The following RAB13 variants were observed in gnomAD, a reference collection of about 807,000 sequenced individuals.
RAB13 encodes the protein ras-related protein Rab-13.
RAB13 carries 15 observed loss-of-function variants against 29.3 expected under a neutral mutation model. That is an observed-to-expected ratio of 0.51 (90% CI 0.34 to 0.79). The LOEUF is 0.79. Ranked by LOEUF, RAB13 falls within the 30% of genes least tolerant of loss-of-function variation. The pLI, the probability that RAB13 is intolerant of heterozygous loss-of-function variation, is 0.01. For missense variants in RAB13, 186 were observed against 255.5 expected (o/e 0.73, Z 1.85); for synonymous variants, 82 against 93.8 (o/e 0.87, Z 0.73).
intron 1 of RAB13, chr1:153,985,100 C>G: frequency 9.2e-7 from 1 of 1,088,112 alleles, no homozygotes; most frequent in Non-Finnish European, 1.1e-6. Flanking sequence ...TGAATTCAGT[C>G]TCTGTCTCCC....
At chr1:153,990,653 T>G (rs1050010337), upstream of RAB13, 1 of 1,068,978 alleles carries the variant, frequency 9.4e-7, no homozygotes, top group Non-Finnish European at 1.4e-6. Context: ...CTCCCTTGTC[T>G]CCCCACTGCG....
upstream of RAB13, among the ~76,000 whole-genome samples, chr1:153,988,512 T>G (rs996248936): frequency 1.4e-5 from 2 of 144,404 alleles, no homozygotes; most frequent in Non-Finnish European, 1.5e-5. Flanking sequence ...AGGATGGTTT[T>G]GATCTCCTGA....
At chr1:153,985,057 G>C (rs1649116504) in intron 1 of RAB13, 1 of 1,175,286 alleles carries the variant, frequency 8.5e-7, no homozygotes. Context: ...GCTGCCTCTT[G>C]GGTCCATTCA....
At chr1:153,986,040 T>A in intron 1 of RAB13, 73 bp downstream of exon 1, 4 of 1,594,610 alleles carry the variant, frequency 2.5e-6, no homozygotes, top group Non-Finnish European at 3.4e-6. Flanking sequence ...AAAAGTGGGG[T>A]CACTAGTAAT....
chr1:153,982,170 C>T lies in RAB13; in HGVS notation c.541G>A (p.Gly181Ser), dbSNP rs2230324. The T allele has an allele frequency of 0.035, 57,118 of 1,613,528 alleles. 1,148 individuals carry two copies. Among genetic ancestry groups the T allele is most frequent in the Non-Finnish European group, 0.043 (50,320 of 1,179,610 alleles). Residue 181 changes from glycine (G) to serine (S), a missense_variant, in exon 8 of 8, where the codon GGC becomes AGC. Physicochemically the swap from Gly to Ser is moderately conservative, Grantham distance 56. Transcript: ENST00000368575. The stretch of plus-strand genomic sequence containing the variant: ...AGGTCAGTACTGGGAGGCTTGTTGC[C>T]GTTTCCCTAGAGGGAGAAGGGCACA... The part of the protein sequence containing the change: ...LKSGGRRSGN[G>S]NKPPSTDLKT...
At chr1:153,986,699 T>C (rs1435778021), upstream of RAB13, among the ~76,000 whole-genome samples, 4 of 141,276 alleles carry the variant, frequency 2.8e-5, 1 homozygote, top group African/African-American at 7.4e-5. Context: ...GGGAGAGCAC[T>C]AGAAATTGAA....
chr1:153,983,299 G>A lies in RAB13; in HGVS notation c.247-3C>T. 2 of 1,612,972 alleles carry A rather than the reference G, an allele frequency of 1.2e-6. No homozygotes were observed. The highest frequency in any genetic ancestry group is 1.7e-5 in the Admixed American group (1 of 60,006). ...ATGTCGTATACTAGGATAATGCCCT[G>A]GGAGATGACAAAATTCACCTTGGAC... is the stretch of plus-strand genomic sequence containing the variant. On this transcript the variant is annotated splice_region_variant and splice_polypyrimidine_tract_variant and intron_variant, in intron 3 of 7. Coordinates refer to ENST00000368575, the MANE Select transcript of RAB13 (RefSeq NM_002870.5).
intron 2 of RAB13, among the ~76,000 whole-genome samples, chr1:153,983,867 T>C (rs939736832): frequency 1.1e-4 from 17 of 152,160 alleles, no homozygotes; most frequent in African/African-American, 4.1e-4. Context: ...ACATGTATTA[T>C]TGTCTCTATT....
Position 153,982,787 on chromosome 1 carries a change from G to A in RAB13, c.346C>T (p.Arg116Cys), listed in dbSNP as rs200451111. 6.8e-5 allele frequency: 109 copies of A among 1,614,052 alleles called. 2 individuals are homozygous for A. Among genetic ancestry groups the A allele is most frequent in the South Asian group, 5.5e-4 (50 of 91,084 alleles). The change falls in exon 5 of 8, where the codon CGC becomes TGC. Residue 116 changes from arginine to cysteine, a missense_variant. Coordinates refer to ENST00000368575, the MANE Select transcript of RAB13 (RefSeq NM_002870.5). Reference protein sequence around the residue: ...IKENASAGVERLLLGNKCDME... With the variant: ...IKENASAGVECLLLGNKCDME... ...TCACATTTGTTCCCCAGCAAGAGGC[G>A]CTCCACCCCAGCCGAGGCATTCTGG...
At chr1:153,990,704 T>G (rs1649334316), upstream of RAB13, 2 of 1,538,378 alleles carry the variant, frequency 1.3e-6, no homozygotes, top group Non-Finnish European at 9.0e-7. Context: ...TGGCACAAGA[T>G]CCTTGCGTCA....
chr1:153,987,774 C>CAAAAAAA, upstream of RAB13, among the ~76,000 whole-genome samples: 1 of 54,314 alleles, frequency 1.8e-5, no homozygotes, highest in Non-Finnish European at 3.4e-5. Flanking sequence ...ACTGCTTCGA[C>CAAAAAAA]AAAAAAAAAA....
In RAB13 at chr1:153,984,729, T is replaced by C. The variant is rs1329281747; in HGVS notation, c.177A>G (p.Leu59=). Residue 59 remains leucine (L), a synonymous_variant, in exon 2 of 8, where the codon CTA becomes CTG. Transcript: ENST00000368575. ...CCAGAGGACTGACTTACCAGACTTG[T>C]AGTTTGATCTTCTTCCCCTCTATAT... The part of the protein sequence containing the change: ...TVDIEGKKIK[L]QVWDTAGQER... 1.9e-6 allele frequency: 3 copies of C among 1,613,408 alleles called. No homozygotes were observed. Among genetic ancestry groups the C allele is most frequent in the South Asian group, 1.1e-5 (1 of 91,014 alleles).
In RAB13 at chr1:153,986,317, G is replaced by T; in HGVS notation, c.-81C>A. 1 of 1,196,874 alleles carries T rather than the reference G, an allele frequency of 8.4e-7. No individual in the cohort carries two copies. The highest frequency in any genetic ancestry group is 2.4e-5 in the East Asian group (1 of 41,796). The allele number at this position is 1,196,874 out of a possible 1,614,324, so 74.1% of individuals were successfully genotyped here. On this transcript the variant is annotated 5_prime_UTR_variant, in exon 1 of 8. Transcript: ENST00000368575. ...GGACTGGACGGTTGGCAAACAGAGC[G>T]GCACGGAGCCCAGGCCAGGAAGAAG... is the stretch of plus-strand genomic sequence containing the variant.
In RAB13 at chr1:153,982,811, G is replaced by T; in HGVS notation, c.325-3C>A. On this transcript the variant is annotated splice_region_variant and splice_polypyrimidine_tract_variant and intron_variant, in intron 4 of 7. Transcript: ENST00000368575. ...CGCTCCACCCCAGCCGAGGCATTCTGGGGGCAAAAGACAAGTAAAAGTTAG... is the reference window on the plus strand; with the variant it reads ...CGCTCCACCCCAGCCGAGGCATTCTTGGGGCAAAAGACAAGTAAAAGTTAG... The T allele has an allele frequency of 6.2e-7, 1 of 1,614,096 alleles. No individual in the cohort carries two copies. The highest frequency in any genetic ancestry group is 1.1e-5 in the South Asian group (1 of 91,084).
At chr1:153,982,312 C>T in intron 7 of RAB13, 79 bp downstream of exon 7, 2 of 1,458,302 alleles carry the variant, frequency 1.4e-6, no homozygotes, top group Non-Finnish European at 9.6e-7. Context: ...AACACACACA[C>T]ACACACACAC....
chr1:153,983,452 G>A, intron 3 of RAB13, 69 bp downstream of exon 3: 1 of 1,534,026 alleles, frequency 6.5e-7, no homozygotes, highest in South Asian at 1.1e-5. Context: ...CCCAACCCCT[G>A]ACCCTTTGTA....
chr1:153,985,948 C>T (rs1322325822), intron 1 of RAB13, 165 bp downstream of exon 1: 1 of 1,263,630 alleles, frequency 7.9e-7, no homozygotes, highest in Non-Finnish European at 1.1e-6. Flanking sequence ...GGTTTGGTTA[C>T]TATACAGAGA....
In RAB13 at chr1:153,982,844, C is replaced by T. The variant is rs191665541; in HGVS notation, c.325-36G>A. Reference sequence around the variant, plus strand: ...AAGACAAGTAAAAGTTAGGTCCTGCCGGCTGGGAGCGGTGGCTCACGCCTG... The same window carrying T: ...AAGACAAGTAAAAGTTAGGTCCTGCTGGCTGGGAGCGGTGGCTCACGCCTG... On this transcript the variant is annotated intron_variant, in intron 4 of 7. Transcript: ENST00000368575. The T allele has an allele frequency of 6.2e-4, 988 of 1,605,112 alleles. 3 individuals carry two copies. The African/African-American group carries it at 0.01, about 17-fold the overall frequency.
upstream of RAB13, among the ~76,000 whole-genome samples, chr1:153,987,528 A>AAAAAAAAAAAAAAAAAAAAAAAG (rs570485139): frequency 7.8e-6 from 1 of 127,488 alleles, no homozygotes; most frequent in Admixed American, 9.5e-5. Context: ...AAAAAAAAAA[A>AAAAAAAAAAAAAAAAAAAAAAAG]AAAGAAAGAA....
Sources: allele counts gnomAD v4.1 joint callset (sites outside exome capture counted in the v4.1 genomes callset), GRCh38; gene constraint gnomAD v4.1.1; transcripts MANE v1.5; gene names NCBI Gene and HGNC (gene_info 2026-07-23, HGNC 2026-07-21).